PGM3: variants seen among roughly 807,000 people sequenced by gnomAD.
PGM3 encodes phosphoacetylglucosamine mutase.
PGM3 carries 40 observed loss-of-function variants against 66.2 expected under a neutral mutation model. That is an observed-to-expected ratio of 0.60 (90% CI 0.47 to 0.79). The LOEUF (loss-of-function observed/expected upper bound fraction) is 0.79. PGM3 is among the 30% of genes least tolerant of loss of function. The pLI is 0.00. For synonymous variants in PGM3, 191 were observed against 224.2 expected (o/e 0.85, Z 1.32); for missense variants, 537 against 643.4 (o/e 0.83, Z 1.79).
intron 10 of PGM3, among the ~76,000 whole-genome samples, chr6:83,173,957 C>T (rs527899391): frequency 2.6e-5 from 4 of 151,970 alleles, no homozygotes; most frequent in South Asian, 2.1e-4. Context: ...AGGAGGGTCT[C>T]GATCTCCTGA....
the PGM3 span, chr6:83,153,849 T>A: frequency 6.4e-7 from 1 of 1,556,738 alleles, no homozygotes. Context: ...GATAGGATGA[T>A]TAAAGTTAGG....
At chr6:83,149,602 G>T in the PGM3 span, among the ~76,000 whole-genome samples, 1 of 152,142 alleles carries the variant, frequency 6.6e-6, no homozygotes, top group Admixed American at 6.5e-5. Context: ...AAAGAATGTG[G>T]TCTTGAAAGG....
chr6:83,170,708 C>T, intron 11 of PGM3: 1 of 437,282 alleles, frequency 2.3e-6, no homozygotes, highest in Non-Finnish European at 4.1e-6. Context: ...CTTAGAGTTA[C>T]CACTAAGATA....
At chr6:83,148,791 C>T in the PGM3 span, 19 of 1,560,264 alleles carry the variant, frequency 1.2e-5, no homozygotes, top group African/African-American at 1.3e-4. Flanking sequence ...GATAGCTGGG[C>T]GTCACTGTTG....
chr6:83,162,988 A>G (rs1388698171), downstream of PGM3: 4 of 1,491,742 alleles, frequency 2.7e-6, no homozygotes, highest in Admixed American at 2.1e-5. Context: ...TATTTATTAA[A>G]TACTTCCTGG....
At chr6:83,148,775 T>G in the PGM3 span, 7 of 1,554,596 alleles carry the variant, frequency 4.5e-6, no homozygotes. Flanking sequence ...AGTGCCCAAT[T>G]TAGTGGATAG....
Position 83,168,170 on chromosome 6 carries a change from A to G in PGM3, c.*1064T>C, listed in dbSNP as rs1309056378. On this transcript the variant is annotated 3_prime_UTR_variant, in exon 13 of 13. Coordinates refer to ENST00000513973, the MANE Select transcript of PGM3 (RefSeq NM_015599.3). Reference sequence around the variant, plus strand: ...TGGAAGGGATGATAAAAACTTGAGCACCATTGCTGGTTCCATTTAGCTTAC... The same window carrying G: ...TGGAAGGGATGATAAAAACTTGAGCGCCATTGCTGGTTCCATTTAGCTTAC... 3 of 1,608,816 alleles carry G rather than the reference A, an allele frequency of 1.9e-6. No homozygotes were observed. The highest frequency in any genetic ancestry group is 2.7e-5 in the African/African-American group (2 of 74,516).
intron 10 of PGM3, 105 bp from the exon 11 acceptor site, chr6:83,172,164 A>T (rs1562412627): frequency 1.8e-6 from 2 of 1,104,596 alleles, no homozygotes; most frequent in East Asian, 2.5e-5. Context: ...GAACAACCTG[A>T]ATCTGAAACA....
the PGM3 span, chr6:83,154,414 T>C: frequency 1.6e-6 from 1 of 612,790 alleles, no homozygotes; most frequent in Non-Finnish European, 2.8e-6. Flanking sequence ...TATGGGAATA[T>C]AATCTTAAAA....
At chr6:83,192,670 T>TA (rs936810059) in intron 1 of PGM3, among the ~76,000 whole-genome samples, 1 of 151,652 alleles carries the variant, frequency 6.6e-6, no homozygotes, top group Admixed American at 6.6e-5. Flanking sequence ...CATAAGAGTG[T>TA]AAACCAGTCC....
downstream of PGM3, chr6:83,157,121 A>G: frequency 1.3e-6 from 2 of 1,548,194 alleles, no homozygotes; most frequent in Non-Finnish European, 1.8e-6. Context: ...GACCGACAAT[A>G]TAGAAAGTTT....
the PGM3 span, chr6:83,155,867 T>G: frequency 2.7e-6 from 4 of 1,489,810 alleles, no homozygotes; most frequent in Non-Finnish European, 3.6e-6. Context: ...TTGGATGTCA[T>G]AGAGCATCTA....
downstream of PGM3, chr6:83,157,417 C>G: frequency 7.7e-7 from 1 of 1,298,888 alleles, no homozygotes; most frequent in Non-Finnish European, 1.1e-6. Flanking sequence ...TGGGAGAGAA[C>G]TGAGCTGTAG....
Position 83,165,641 on chromosome 6 carries a change from G to A in PGM3, c.*3593C>T. ...TTTCTGTGTCCTGCTAGTTGTGGAA[G>A]CAATTTCCCTGCAAAACGTTGCTGA... On this transcript the variant is annotated 3_prime_UTR_variant, in exon 13 of 13. Coordinates refer to ENST00000513973, the MANE Select transcript of PGM3 (RefSeq NM_015599.3). 5.0e-6 allele frequency: 1 copy of A among 200,500 alleles called. No individual in the cohort carries two copies. The highest frequency in any genetic ancestry group is 1.1e-5 in the Non-Finnish European group (1 of 94,102). The allele number at this position is 200,500 out of a possible 1,614,324, so 12.4% of individuals were successfully genotyped here. A position where few individuals can be genotyped will look rare whatever the true frequency, so the allele number is the denominator to read the frequency against.
In PGM3 at chr6:83,168,713, C is replaced by T; in HGVS notation, c.*521G>A. The T allele has an allele frequency of 1.0e-6, 1 of 996,424 alleles. No homozygotes were observed. The highest frequency in any genetic ancestry group is 1.7e-5 in the African/African-American group (1 of 57,402). 61.7% of individuals were successfully genotyped at this position (996,424 alleles called of 1,614,324 possible). A position where few individuals can be genotyped will look rare whatever the true frequency, so the allele number is the denominator to read the frequency against. ...TCAGTATGGAAGAGGGATGGACAAC[C>T]CCCTATTCATACCTCTGAGTTCCTG... On this transcript the variant is annotated 3_prime_UTR_variant, in exon 13 of 13. Transcript: ENST00000513973.
At chr6:83,189,072 T>C (rs1562431268) in intron 2 of PGM3, among the ~76,000 whole-genome samples, 1 of 152,240 alleles carries the variant, frequency 6.6e-6, no homozygotes, top group Non-Finnish European at 1.5e-5. Context: ...TTAGGTAATT[T>C]GCTTATGATC....
chr6:83,182,824 C>A (rs1562424248), intron 5 of PGM3, 21 bp downstream of exon 5: 8 of 1,608,212 alleles, frequency 5.0e-6, no homozygotes, highest in Admixed American at 1.7e-5. Flanking sequence ...TAACTTTAAC[C>A]ATGTTCAATA....
intron 4 of PGM3, among the ~76,000 whole-genome samples, chr6:83,184,947 C>G (rs1297353234): frequency 6.6e-6 from 1 of 152,298 alleles, no homozygotes; most frequent in Non-Finnish European, 1.5e-5. Context: ...CCCTATGTTG[C>G]AGCTACATTA....
the PGM3 span, chr6:83,151,958 C>T: frequency 9.3e-6 from 15 of 1,613,668 alleles, no homozygotes; most frequent in Non-Finnish European, 1.1e-5. Context: ...ATGGCTGCGA[C>T]GAAATCTTGA....
Sources: allele counts gnomAD v4.1 joint callset (sites outside exome capture counted in the v4.1 genomes callset), GRCh38; gene constraint gnomAD v4.1.1; transcripts MANE v1.5; gene names NCBI Gene and HGNC (gene_info 2026-07-23, HGNC 2026-07-21).